Variants in PTPRQ observed in about 807,000 individuals in gnomAD.
The protein encoded by PTPRQ is phosphatidylinositol phosphatase PTPRQ.
Under a neutral mutation model 246.0 loss-of-function variants are expected in PTPRQ, and 199 were observed. The observed-to-expected ratio is 0.81, with a 90% CI of 0.72 to 0.91. The LOEUF (loss-of-function observed/expected upper bound fraction) is 0.91. Among genes scored for constraint, PTPRQ ranks in the 40% least tolerant of loss-of-function variants. The pLI is 0.00. For synonymous variants in PTPRQ, 869 were observed against 853.2 expected, an observed-to-expected ratio of 1.02 and a Z score of -0.32; for missense variants, 2,624 against 2,528.4, an observed-to-expected ratio of 1.04 and a Z score of -0.81.
chr12:80,606,976 AT>A (rs1311799904), intron 27 of PTPRQ, among the ~76,000 whole-genome samples: 5 of 151,202 alleles, frequency 3.3e-5, no homozygotes, highest in South Asian at 2.1e-4. Context: ...AACAAAAAAA[AT>A]AAAACATATT....
rs1345966747 is a variant in PTPRQ, at chr12:80,593,904, C to CTA, written c.4609+5455_4609+5456dup. Reference sequence around the variant, plus strand: ...ATGGGACTCTCATAATGTGCGTCTCCTATAGACCACCAAGACTGGAAGACA... The same window carrying CTA: ...ATGGGACTCTCATAATGTGCGTCTCCTATATAGACCACCAAGACTGGAAGACA... On this transcript the variant is annotated intron_variant, in intron 26 of 44. Coordinates refer to ENST00000644991, the MANE Select transcript of PTPRQ (RefSeq NM_001145026.2). Among the ~76,000 whole-genome samples the CTA allele has an allele frequency of 2.6e-5, 4 of 151,666 alleles. No homozygotes were observed. The East Asian group carries it at 5.8e-4, about 22-fold the overall frequency.
intron 33 of PTPRQ, among the ~76,000 whole-genome samples, chr12:80,627,145 G>C (rs1368765242): frequency 6.6e-6 from 1 of 151,690 alleles, no homozygotes; most frequent in Non-Finnish European, 1.5e-5. Context: ...TGCAATTATT[G>C]AATCAAGTTA....
At position 80,486,825 on chromosome 12, in the gene PTPRQ, T is replaced by A. The variant is rs142466337; in HGVS notation, c.1359+2220T>A. Among the ~76,000 whole-genome samples the A allele has an allele frequency of 3.2e-3, 485 of 152,236 alleles. 3 individuals are homozygous for A. The highest frequency in any genetic ancestry group is 0.01 in the African/African-American group (424 of 41,546). On this transcript the variant is annotated intron_variant, in intron 9 of 44. Coordinates refer to ENST00000644991, the MANE Select transcript of PTPRQ (RefSeq NM_001145026.2). Reference sequence around the variant, plus strand: ...AGTGTGCAACACAAGAATTAAATATTTTTAACCACCCTTGTGTTCTTATCT... The same window carrying A: ...AGTGTGCAACACAAGAATTAAATATATTTAACCACCCTTGTGTTCTTATCT...
intron 5 of PTPRQ, among the ~76,000 whole-genome samples, chr12:80,460,420 C>T (rs1459822017): frequency 1.3e-5 from 2 of 152,104 alleles, no homozygotes; most frequent in Non-Finnish European, 2.9e-5. Context: ...TTTTAAGCCA[C>T]TTGAAATTCT....
At chr12:80,668,829 G>A (rs1900871303) in intron 39 of PTPRQ, among the ~76,000 whole-genome samples, 178 bp from the exon 40 acceptor site, 2 of 151,642 alleles carry the variant, frequency 1.3e-5, no homozygotes, top group Non-Finnish European at 2.9e-5. Flanking sequence ...TAGTATATCA[G>A]ATTGTGAGGA....
chr12:80,493,456 G>A lies in PTPRQ; in HGVS notation c.1540+1G>A. On this transcript the variant is annotated splice_donor_variant, in intron 10 of 44. Transcript: ENST00000644991. LOFTEE classifies it high-confidence loss of function. The stretch of plus-strand genomic sequence containing the variant: ...GCTGAAGACCAGACTTCACCAGTTG[G>A]TAGGTAGAATTTTGATTTTCTATAA... 1 of 1,546,510 alleles carries A rather than the reference G, an allele frequency of 6.5e-7. No individual in the cohort carries two copies. The highest frequency in any genetic ancestry group is 8.7e-7 in the Non-Finnish European group (1 of 1,144,346).
At chr12:80,486,632 G>A (rs1894284708) in intron 9 of PTPRQ, among the ~76,000 whole-genome samples, 1 of 152,120 alleles carries the variant, frequency 6.6e-6, no homozygotes, top group Non-Finnish European at 1.5e-5. Context: ...ACAACTTGTG[G>A]CTTAGTGTGT....
At chr12:80,460,609 G>A (rs1441724504) in intron 5 of PTPRQ, 44 bp from the exon 6 acceptor site, 1 of 398,286 alleles carries the variant, frequency 2.5e-6, no homozygotes, top group East Asian at 3.6e-5. Flanking sequence ...TGTTCACCAA[G>A]AGATACAACA....
chr12:80,514,486 CTT>C (rs754520426), intron 17 of PTPRQ, among the ~76,000 whole-genome samples: 2 of 144,866 alleles, frequency 1.4e-5, no homozygotes, highest in African/African-American at 2.5e-5. Context: ...ATAATTGAAA[CTT>C]AATATTTGTT....
intron 17 of PTPRQ, among the ~76,000 whole-genome samples, chr12:80,513,163 CG>C (rs1209956595): frequency 1.3e-5 from 2 of 152,038 alleles, no homozygotes; most frequent in East Asian, 3.9e-4. Context: ...TTCTGTATCC[CG>C]GGGTTTCTTG....
intron 30 of PTPRQ, 131 bp from the exon 31 acceptor site, chr12:80,619,253 T>A (rs1898883267): frequency 9.2e-7 from 1 of 1,084,784 alleles, no homozygotes; most frequent in African/African-American, 1.6e-5. Flanking sequence ...CCAAGCACAA[T>A]TCTCTATAAT....
intron 32 of PTPRQ, 64 bp downstream of exon 32, chr12:80,620,440 CATCT>C (rs1488937871): frequency 6.5e-7 from 1 of 1,534,974 alleles, no homozygotes; most frequent in Non-Finnish European, 8.8e-7. Context: ...TTCATCCATC[CATCT>C]GCCTGTCCTT....
At chr12:80,495,393 T>TTGA in intron 12 of PTPRQ, 22 bp downstream of exon 12, 2 of 1,489,800 alleles carry the variant, frequency 1.3e-6, no homozygotes, top group Non-Finnish European at 1.8e-6. Flanking sequence ...TGTTTTGTTG[T>TTGA]TGTTGTTGTT....
chr12:80,518,023 A>G (rs1895357798), intron 17 of PTPRQ, among the ~76,000 whole-genome samples: 1 of 152,100 alleles, frequency 6.6e-6, no homozygotes, highest in African/African-American at 2.4e-5. Context: ...TAGATTTTAC[A>G]TTAGCTCTAT....
rs558155187 is a variant in PTPRQ, at chr12:80,542,949, A to G, written c.3873+68A>G. ...AAATTGAATTAAAATCTTTTGACAT[A>G]TAGGAGGAAAATGGACTACTAAATT... is the stretch of plus-strand genomic sequence containing the variant. On this transcript the variant is annotated intron_variant, in intron 23 of 44. Transcript: ENST00000644991. 3.6e-6 allele frequency: 4 copies of G among 1,120,320 alleles called. No homozygotes were observed. In the South Asian group the frequency reaches 6.5e-5, roughly 18 times the overall value. 69.4% of individuals were successfully genotyped at this position (1,120,320 alleles called of 1,614,324 possible). A position where few individuals can be genotyped will look rare whatever the true frequency, so the allele number is the denominator to read the frequency against.
At chr12:80,466,588 A>G (rs1893425293) in intron 6 of PTPRQ, among the ~76,000 whole-genome samples, 1 of 152,172 alleles carries the variant, frequency 6.6e-6, no homozygotes, top group South Asian at 2.1e-4. Flanking sequence ...GAGGCATCAC[A>G]CTACCTGACT....
chr12:80,447,968 GA>G (rs58028512), intron 3 of PTPRQ, among the ~76,000 whole-genome samples: 14,615 of 151,956 alleles, frequency 0.096, 1,502 homozygotes, highest in African/African-American at 0.25. Flanking sequence ...GAATTGTGTT[GA>G]ATCTGTAGAT....
chr12:80,528,655 CTTAAAG>C (rs1387599827), intron 17 of PTPRQ, among the ~76,000 whole-genome samples: 2 of 152,088 alleles, frequency 1.3e-5, no homozygotes, highest in Non-Finnish European at 2.9e-5. Context: ...CCATTCTAAA[CTTAAAG>C]TTGAGGTGAC....
chr12:80,487,758 T>C (rs1168307892), intron 9 of PTPRQ, among the ~76,000 whole-genome samples: 1 of 152,144 alleles, frequency 6.6e-6, no homozygotes, highest in East Asian at 1.9e-4. Flanking sequence ...CAGGATTGCA[T>C]AGTCCCTTGC....
Sources: gnomAD v4.1 joint callset for allele counts (sites outside exome capture counted in the v4.1 genomes callset) on GRCh38, gnomAD v4.1.1 for gene constraint, MANE v1.5 for transcripts, NCBI Gene and HGNC (gene_info 2026-07-23, HGNC 2026-07-21) for gene names.